The following ELAVL2 variants were observed in gnomAD, a reference collection of about 807,000 sequenced individuals.
ELAVL2 encodes ELAV like RNA binding protein 2, also known as ELAV-like protein 2.
A neutral mutation model predicts 34.6 loss-of-function variants in ELAVL2; 4 were observed. That is an observed-to-expected ratio of 0.12 (90% confidence interval 0.06 to 0.26). ELAVL2 has a LOEUF of 0.26. ELAVL2 is among the 10% of genes least tolerant of loss of function. The pLI, the probability that ELAVL2 is intolerant of heterozygous loss-of-function variation, is 1.00. For missense variants in ELAVL2, 432 were observed against 442.8 expected (o/e 0.98, Z 0.22); for synonymous variants, 193 against 154.8 (o/e 1.25, Z -1.83).
intron 1 of ELAVL2, among the ~76,000 whole-genome samples, chr9:23,776,927 T>G (rs1177350057): frequency 6.6e-6 from 1 of 152,076 alleles, no homozygotes; most frequent in African/African-American, 2.4e-5. Flanking sequence ...AGTGGACTTC[T>G]GCCTCACTAA....
At chr9:23,704,828 G>T in intron 4 of ELAVL2, 90 bp downstream of exon 4, 1 of 1,529,724 alleles carries the variant, frequency 6.5e-7, no homozygotes, top group South Asian at 1.2e-5. Context: ...ATATGTTCTA[G>T]AAGCAAGACT....
At chr9:23,765,981 C>CT (rs1364269771) in intron 1 of ELAVL2, among the ~76,000 whole-genome samples, 9 of 152,026 alleles carry the variant, frequency 5.9e-5, no homozygotes, top group South Asian at 2.1e-4. Flanking sequence ...CCAAAGTTTA[C>CT]TTTTTTTGCC....
intron 1 of ELAVL2, chr9:23,765,028 G>T (rs1355248307): frequency 6.2e-7 from 1 of 1,609,410 alleles, no homozygotes; most frequent in Non-Finnish European, 8.5e-7. Context: ...AGGCTCTGCT[G>T]CCCACGAACC....
At chr9:23,747,932 G>A (rs2050911123) in intron 2 of ELAVL2, among the ~76,000 whole-genome samples, 1 of 151,996 alleles carries the variant, frequency 6.6e-6, no homozygotes, top group African/African-American at 2.4e-5. Flanking sequence ...TTTAAAAAAA[G>A]GACTGTTCTA....
At chr9:23,725,249 T>C (rs544315906) in intron 3 of ELAVL2, among the ~76,000 whole-genome samples, 3 of 152,282 alleles carry the variant, frequency 2.0e-5, no homozygotes, top group South Asian at 2.1e-4. Context: ...CGCCTTCACA[T>C]ACATGCGCAC....
chr9:23,766,851 G>A (rs187409079), intron 1 of ELAVL2, among the ~76,000 whole-genome samples: 52 of 152,112 alleles, frequency 3.4e-4, no homozygotes, highest in Non-Finnish European at 7.1e-4. Context: ...CAGACAACTG[G>A]GCTGTGTACT....
chr9:23,830,601 T>TAC (rs10525135), upstream of ELAVL2, among the ~76,000 whole-genome samples: 9,016 of 133,110 alleles, frequency 0.068, 456 homozygotes, highest in African/African-American at 0.14. Context: ...GCCCCCCACT[T>TAC]ACACACACAC....
chr9:23,748,928 CA>C (rs1334441961), intron 2 of ELAVL2, among the ~76,000 whole-genome samples: 1 of 151,924 alleles, frequency 6.6e-6, no homozygotes, highest in Non-Finnish European at 1.5e-5. Flanking sequence ...CGAGAATAGG[CA>C]AATTCATAGA....
At chr9:23,813,268 G>C (rs933674360) in intron 1 of ELAVL2, among the ~76,000 whole-genome samples, 1 of 152,032 alleles carries the variant, frequency 6.6e-6, no homozygotes, top group Admixed American at 6.6e-5. Flanking sequence ...TCTGCTCTAC[G>C]GCACACATAG....
chr9:23,811,387 G>C (rs1454107230), intron 1 of ELAVL2, among the ~76,000 whole-genome samples: 1 of 151,438 alleles, frequency 6.6e-6, no homozygotes, highest in Non-Finnish European at 1.5e-5. Flanking sequence ...GAGAAAAGCA[G>C]TGGCCAGGCC....
chr9:23,829,407 G>T (rs2065429065), upstream of ELAVL2, among the ~76,000 whole-genome samples: 1 of 152,186 alleles, frequency 6.6e-6, no homozygotes, highest in East Asian at 1.9e-4. Flanking sequence ...TTTACATTTT[G>T]TAATAAAAGT....
At chr9:23,721,685 C>T (rs1054165971) in intron 3 of ELAVL2, among the ~76,000 whole-genome samples, 1 of 152,116 alleles carries the variant, frequency 6.6e-6, no homozygotes, top group African/African-American at 2.4e-5. Context: ...TTTAGACCAA[C>T]CCCTCCCTCT....
upstream of ELAVL2, among the ~76,000 whole-genome samples, chr9:23,828,845 TAAA>T (rs1588888394): frequency 6.6e-6 from 1 of 152,160 alleles, no homozygotes; most frequent in South Asian, 2.1e-4. Context: ...CTTTTAAAAA[TAAA>T]AAATATTGAT....
intron 6 of ELAVL2, 77 bp downstream of exon 6, chr9:23,693,371 T>G (rs1027076068): frequency 6.4e-7 from 1 of 1,562,170 alleles, no homozygotes; most frequent in Non-Finnish European, 8.8e-7. Context: ...ATGAGGGGTG[T>G]GAATAGCACT....
intron 3 of ELAVL2, among the ~76,000 whole-genome samples, chr9:23,713,837 C>T (rs1055263734): frequency 2.0e-5 from 3 of 152,078 alleles, no homozygotes; most frequent in Non-Finnish European, 2.9e-5. Context: ...ATGTTTGGAC[C>T]AGAACCCTCC....
At chr9:23,794,712 T>A (rs1039624560) in intron 1 of ELAVL2, among the ~76,000 whole-genome samples, 1 of 152,126 alleles carries the variant, frequency 6.6e-6, no homozygotes, top group African/African-American at 2.4e-5. Flanking sequence ...ATGAAAAAAT[T>A]TGTGTGGGGA....
At chr9:23,738,316 T>C (rs2048363665) in intron 2 of ELAVL2, among the ~76,000 whole-genome samples, 1 of 152,216 alleles carries the variant, frequency 6.6e-6, no homozygotes, top group Non-Finnish European at 1.5e-5. Context: ...ATTCCTGACT[T>C]AGCCTGAGTC....
chr9:23,769,592 A>C (rs969752106), intron 1 of ELAVL2, among the ~76,000 whole-genome samples: 6 of 152,172 alleles, frequency 3.9e-5, no homozygotes, highest in African/African-American at 1.4e-4. Context: ...TAAATGTCAA[A>C]GGATTTATTC....
the ELAVL2 span, among the ~76,000 whole-genome samples, chr9:23,837,448 T>C: frequency 1.6e-4 from 25 of 152,172 alleles, no homozygotes; most frequent in African/African-American, 5.3e-4. Context: ...ACTAGATTAG[T>C]AATAATAGTG....
Sources: allele counts gnomAD v4.1 joint callset (sites outside exome capture counted in the v4.1 genomes callset), GRCh38; gene constraint gnomAD v4.1.1; transcripts MANE v1.5; gene names NCBI Gene and HGNC (gene_info 2026-07-23, HGNC 2026-07-21).